CSTF3: variants seen among roughly 807,000 people sequenced by gnomAD.
CSTF3 encodes cleavage stimulation factor subunit 3.
In CSTF3, 29 loss-of-function variants were observed where a neutral mutation model predicts 105.8. The observed-to-expected ratio is 0.27, with a 90% CI of 0.20 to 0.37. The LOEUF (loss-of-function observed/expected upper bound fraction) is 0.37, where lower values mean the gene tolerates loss of function less well. Among genes scored for constraint, CSTF3 ranks in the 10% least tolerant of loss-of-function variants. CSTF3 has a pLI of 1.00. For synonymous variants in CSTF3, 252 were observed against 281.9 expected (o/e 0.89, Z 1.06); for missense variants, 357 against 879.3 (o/e 0.41, Z 7.51).
chr11:33,144,088 A>T (rs1196620609), intron 1 of CSTF3, among the ~76,000 whole-genome samples: 1 of 152,186 alleles, frequency 6.6e-6, no homozygotes, highest in Non-Finnish European at 1.5e-5. Context: ...GAGCATAAAG[A>T]GGGAAGCACT....
In CSTF3 at chr11:33,119,618, C is replaced by T. The variant is rs1855466705; in HGVS notation, c.226-11200G>A. On this transcript the variant is annotated intron_variant, in intron 3 of 20. Transcript: ENST00000323959. Reference sequence around the variant, plus strand: ...GCATAATTTTAGAAATAGCCCATTTCCTCATTCTATAAAACTCACAGTATA... The same window carrying T: ...GCATAATTTTAGAAATAGCCCATTTTCTCATTCTATAAAACTCACAGTATA... Among the ~76,000 whole-genome samples, 6 of 151,710 alleles carry T rather than the reference C, an allele frequency of 4.0e-5. No individual in the cohort carries two copies. The South Asian group carries it at 1.2e-3, about 31-fold the overall frequency.
At chr11:33,140,225 G>A (rs1855696205) in intron 3 of CSTF3, among the ~76,000 whole-genome samples, 1 of 152,022 alleles carries the variant, frequency 6.6e-6, no homozygotes, top group African/African-American at 2.4e-5. Flanking sequence ...TTAATACAAA[G>A]CAGCACGGGC....
At chr11:33,108,972 T>C (rs917217925) in intron 3 of CSTF3, among the ~76,000 whole-genome samples, 4 of 152,138 alleles carry the variant, frequency 2.6e-5, no homozygotes, top group Non-Finnish European at 4.4e-5. Flanking sequence ...GGAAGGTCAT[T>C]GTAAGATATT....
intron 1 of CSTF3, among the ~76,000 whole-genome samples, chr11:33,152,640 T>G (rs1378982407): frequency 6.6e-6 from 1 of 152,180 alleles, no homozygotes; most frequent in Non-Finnish European, 1.5e-5. Context: ...AAACATTTTG[T>G]AAAGGATTGC....
rs186251867 is a variant in CSTF3, at chr11:33,106,762, C to T, written c.357-698G>A. On this transcript the variant is annotated intron_variant, in intron 5 of 20. Transcript: ENST00000323959. ...GCTTGTGAGCTTATCAAAAATAAGG[C>T]TCATGTCTTACTTATCTTTATATCA... Among the ~76,000 whole-genome samples the T allele has an allele frequency of 8.9e-4, 135 of 152,138 alleles. 2 individuals carry two copies. Among genetic ancestry groups the T allele is most frequent in the African/African-American group, 3.0e-3 (124 of 41,494 alleles).
At chr11:33,144,004 A>C (rs1855747523) in intron 1 of CSTF3, among the ~76,000 whole-genome samples, 1 of 152,168 alleles carries the variant, frequency 6.6e-6, no homozygotes, top group Non-Finnish European at 1.5e-5. Context: ...AAGTTAATTT[A>C]TATGAAGTTT....
At chr11:33,153,404 C>T (rs1003604351) in intron 1 of CSTF3, among the ~76,000 whole-genome samples, 1 of 152,046 alleles carries the variant, frequency 6.6e-6, no homozygotes, top group Non-Finnish European at 1.5e-5. Context: ...GAGCTCATAA[C>T]TTTTATTAGG....
chr11:33,110,133 C>A (rs1855365179), intron 3 of CSTF3, among the ~76,000 whole-genome samples: 1 of 152,186 alleles, frequency 6.6e-6, no homozygotes, highest in Non-Finnish European at 1.5e-5. Context: ...ATATTCCTTT[C>A]TGGTTGGTGG....
intron 18 of CSTF3, among the ~76,000 whole-genome samples, chr11:33,086,657 C>G (rs1326245014): frequency 6.6e-6 from 1 of 152,188 alleles, no homozygotes; most frequent in Non-Finnish European, 1.5e-5. Flanking sequence ...AGGCTGGTCT[C>G]AAACTCCTGA....
At chr11:33,116,190 C>T (rs1855429467) in intron 3 of CSTF3, among the ~76,000 whole-genome samples, 1 of 152,058 alleles carries the variant, frequency 6.6e-6, no homozygotes, top group Admixed American at 6.6e-5. Flanking sequence ...TTGTACTAAC[C>T]ATTAGGTATT....
At chr11:33,135,004 C>A (rs1256685220) in intron 3 of CSTF3, among the ~76,000 whole-genome samples, 1 of 152,122 alleles carries the variant, frequency 6.6e-6, no homozygotes, top group Non-Finnish European at 1.5e-5. Flanking sequence ...ACACAGGGTA[C>A]AAGTTAGCTG....
At chr11:33,098,652 C>T in intron 13 of CSTF3, 38 bp downstream of exon 13, 1 of 1,225,788 alleles carries the variant, frequency 8.2e-7, no homozygotes, top group South Asian at 1.3e-5. Flanking sequence ...TTAGATAAGA[C>T]TGTAAAGGTG....
chr11:33,150,720 G>A (rs1291681531), intron 1 of CSTF3, among the ~76,000 whole-genome samples: 2 of 152,070 alleles, frequency 1.3e-5, no homozygotes, highest in Non-Finnish European at 2.9e-5. Flanking sequence ...GCTGGGTGTG[G>A]TGGCAGGTAT....
In CSTF3 at chr11:33,098,291, G is replaced by A. The variant is rs953390713; in HGVS notation, c.1128+399C>T. On this transcript the variant is annotated intron_variant, in intron 13 of 20. Coordinates refer to ENST00000323959, the MANE Select transcript of CSTF3 (RefSeq NM_001326.3). ...TCTTCCCAGGATGTCGGTTTCTCCC[G>A]CCTCATTTAAAAAGAAATATCTATT... is the stretch of plus-strand genomic sequence containing the variant. Among the ~76,000 whole-genome samples, 6 of 152,026 alleles carry A rather than the reference G, an allele frequency of 3.9e-5. No homozygotes were observed. The South Asian group carries it at 6.2e-4, about 16-fold the overall frequency.
intron 3 of CSTF3, among the ~76,000 whole-genome samples, chr11:33,133,489 A>G (rs1855622008): frequency 6.6e-6 from 1 of 152,232 alleles, no homozygotes; most frequent in South Asian, 2.1e-4. Context: ...GAAATACACT[A>G]AAGACACATG....
intron 3 of CSTF3, among the ~76,000 whole-genome samples, chr11:33,125,780 C>T (rs564101897): frequency 1.3e-5 from 2 of 152,300 alleles, no homozygotes; most frequent in East Asian, 3.9e-4. Flanking sequence ...AAAATTGAAG[C>T]TCAAGTCTTC....
intron 1 of CSTF3, among the ~76,000 whole-genome samples, chr11:33,150,234 A>AG (rs986381318): frequency 4.7e-5 from 5 of 106,526 alleles, no homozygotes; most frequent in African/African-American, 1.3e-4. Context: ...AAAAAAAAAA[A>AG]AAAAAGAAAA....
chr11:33,094,989 C>T (rs1453233492), intron 15 of CSTF3, among the ~76,000 whole-genome samples: 1 of 152,176 alleles, frequency 6.6e-6, no homozygotes, highest in African/African-American at 2.4e-5. Flanking sequence ...GCCTCCCCCT[C>T]CAGGGTTCAA....
At chr11:33,138,912 G>T (rs1460435425) in intron 3 of CSTF3, among the ~76,000 whole-genome samples, 1 of 151,688 alleles carries the variant, frequency 6.6e-6, no homozygotes, top group African/African-American at 2.4e-5. Flanking sequence ...ATTCACTAGA[G>T]CAAGATAATT....
Sources: allele counts gnomAD v4.1 joint callset (sites outside exome capture counted in the v4.1 genomes callset), GRCh38; gene constraint gnomAD v4.1.1; transcripts MANE v1.5; gene names NCBI Gene and HGNC (gene_info 2026-07-23, HGNC 2026-07-21).